Variants in NAALADL2 observed in about 807,000 individuals in gnomAD.
NAALADL2 encodes inactive N-acetylated-alpha-linked acidic dipeptidase-like protein 2.
In NAALADL2, 76 loss-of-function variants were observed where a neutral mutation model predicts 87.2. That is an observed-to-expected ratio of 0.87 (90% confidence interval 0.72 to 1.05). NAALADL2 has a LOEUF of 1.05. NAALADL2 is among the 50% of genes least tolerant of loss of function. The probability of loss-of-function intolerance (pLI) is 0.00; values close to 1 mark genes in which losing one functional copy is unlikely to be tolerated. For missense variants in NAALADL2, 1,089 were observed against 945.8 expected, an observed-to-expected ratio of 1.15 and a Z score of -1.99; for synonymous variants, 354 against 331.0, an observed-to-expected ratio of 1.07 and a Z score of -0.75.
intron 2 of NAALADL2, among the ~76,000 whole-genome samples, chr3:175,117,041 G>A (rs1016825302): frequency 4.6e-5 from 7 of 152,006 alleles, no homozygotes; most frequent in Non-Finnish European, 1.0e-4. Flanking sequence ...AATGGTGCTG[G>A]GAAAATTGGC....
At position 175,787,121 on chromosome 3, in the gene NAALADL2, G is replaced by C. The variant is rs867136719; in HGVS notation, c.2190-15884G>C. On this transcript the variant is annotated intron_variant, in intron 13 of 13. Coordinates refer to ENST00000454872, the MANE Select transcript of NAALADL2 (RefSeq NM_207015.3). ...GAACCACTGCTCTCTTCAAAGCTGTGAGACAGGGACATTTAAGTCTGCAGA... is the reference window on the plus strand; with the variant it reads ...GAACCACTGCTCTCTTCAAAGCTGTCAGACAGGGACATTTAAGTCTGCAGA... 2.0e-3 allele frequency among the ~76,000 whole-genome samples: 311 copies of C among 152,082 alleles called. 1 individual carries two copies. Among genetic ancestry groups the C allele is most frequent in the African/African-American group, 6.3e-3 (263 of 41,454 alleles).
chr3:175,259,728 G>T (rs1750685627), intron 4 of NAALADL2, among the ~76,000 whole-genome samples: 1 of 152,110 alleles, frequency 6.6e-6, no homozygotes, highest in Admixed American at 6.5e-5. Flanking sequence ...GAAAATTCAG[G>T]TTAAAATACA....
At chr3:174,809,511 C>T (rs1328976156) in intron 3 of NAALADL2, among the ~76,000 whole-genome samples, 1 of 152,030 alleles carries the variant, frequency 6.6e-6, no homozygotes, top group African/African-American at 2.4e-5. Flanking sequence ...CTATAGTGAC[C>T]AAATGCTTAT....
intron 3 of NAALADL2, among the ~76,000 whole-genome samples, chr3:174,804,880 T>C (rs754447506): frequency 6.6e-6 from 1 of 152,208 alleles, no homozygotes; most frequent in Non-Finnish European, 1.5e-5. Context: ...CAAGATGTTA[T>C]ACTCATCTAA....
chr3:174,540,358 T>C (rs1268823464), intron 1 of NAALADL2, among the ~76,000 whole-genome samples: 1 of 152,182 alleles, frequency 6.6e-6, no homozygotes, highest in Non-Finnish European at 1.5e-5. Flanking sequence ...TTATTCTCTC[T>C]GTTGGTTTCC....
intron 4 of NAALADL2, among the ~76,000 whole-genome samples, chr3:175,268,941 AAT>A (rs927137615): frequency 7.9e-6 from 1 of 126,696 alleles, no homozygotes; most frequent in East Asian, 2.8e-4. Context: ...TTAACTATTT[AAT>A]TTTTTTTTTT....
chr3:175,253,939 G>A (rs944105912), intron 3 of NAALADL2, among the ~76,000 whole-genome samples: 16 of 152,140 alleles, frequency 1.1e-4, no homozygotes, highest in South Asian at 6.2e-4. Context: ...GATGAATAAC[G>A]AAAGTGGTTT....
intron 1 of NAALADL2, among the ~76,000 whole-genome samples, chr3:174,525,784 A>G (rs1720693201): frequency 6.6e-6 from 1 of 152,278 alleles, no homozygotes; most frequent in African/African-American, 2.4e-5. Context: ...TATCATAGCA[A>G]TGCTTTCATT....
chr3:174,882,507 A>G (rs1236634154), intron 1 of NAALADL2, among the ~76,000 whole-genome samples: 1 of 144,874 alleles, frequency 6.9e-6, no homozygotes, highest in Non-Finnish European at 1.5e-5. Context: ...ATATATGTGT[A>G]TATACATATG....
intron 5 of NAALADL2, among the ~76,000 whole-genome samples, chr3:175,348,944 A>C (rs1262717832): frequency 6.6e-6 from 1 of 152,190 alleles, no homozygotes; most frequent in Non-Finnish European, 1.5e-5. Flanking sequence ...AAAAGAAGAA[A>C]ATAAAGCATC....
intron 5 of NAALADL2, among the ~76,000 whole-genome samples, chr3:175,333,369 A>C (rs1280128214): frequency 6.6e-6 from 1 of 152,180 alleles, no homozygotes; most frequent in East Asian, 1.9e-4. Context: ...AGCTGTAGGT[A>C]GGTGGCTAGG....
At chr3:175,168,784 A>G (rs1471842395) in intron 2 of NAALADL2, among the ~76,000 whole-genome samples, 1 of 151,846 alleles carries the variant, frequency 6.6e-6, no homozygotes, top group Non-Finnish European at 1.5e-5. Flanking sequence ...CAACATGAAC[A>G]TACATTATGG....
intron 1 of NAALADL2, among the ~76,000 whole-genome samples, chr3:174,880,534 G>C (rs1009113178): frequency 6.6e-6 from 1 of 151,956 alleles, no homozygotes. Context: ...CTAGTCTTCT[G>C]ATGGGTTACC....
At chr3:175,741,268 T>C (rs1745200341) in intron 12 of NAALADL2, among the ~76,000 whole-genome samples, 1 of 152,188 alleles carries the variant, frequency 6.6e-6, no homozygotes, top group Non-Finnish European at 1.5e-5. Flanking sequence ...AAGATGGCCA[T>C]CTTTTTGCTA....
At chr3:174,823,104 C>A (rs900786935) in intron 3 of NAALADL2, among the ~76,000 whole-genome samples, 6 of 152,114 alleles carry the variant, frequency 3.9e-5, no homozygotes, top group Non-Finnish European at 7.4e-5. Flanking sequence ...TTTGTAGATA[C>A]GTGCTTTTGG....
At chr3:175,792,049 GAGATGA>G (rs1282219569) in intron 13 of NAALADL2, among the ~76,000 whole-genome samples, 2 of 152,000 alleles carry the variant, frequency 1.3e-5, no homozygotes, top group Non-Finnish European at 2.9e-5. Context: ...ACTTTGAAAT[GAGATGA>G]TTTTACTTTT....
rs1251122338 is a variant in NAALADL2 at position 175,407,476 on chromosome 3, T to C, written c.1091-39753T>C. ...ATATGTTTTATATATACTTCTACAT[T>C]ACAAACCTCAATGTGTATTACCTTC... On this transcript the variant is annotated intron_variant, in intron 5 of 13. Coordinates refer to ENST00000454872, the MANE Select transcript of NAALADL2 (RefSeq NM_207015.3). Among the ~76,000 whole-genome samples, 3 of 152,208 alleles carry C rather than the reference T, an allele frequency of 2.0e-5. No homozygotes were observed. In the East Asian group the frequency reaches 5.8e-4, roughly 29 times the overall value.
intron 1 of NAALADL2, among the ~76,000 whole-genome samples, chr3:174,524,629 T>G (rs1051429800): frequency 1.5e-4 from 23 of 152,024 alleles, no homozygotes; most frequent in African/African-American, 5.5e-4. Context: ...ACTGCAGCCT[T>G]GACCTCCTGG....
At chr3:175,587,337 C>CTCATA (rs1414174241) in intron 10 of NAALADL2, among the ~76,000 whole-genome samples, 1 of 152,092 alleles carries the variant, frequency 6.6e-6, no homozygotes, top group Non-Finnish European at 1.5e-5. Context: ...GTAGTTCAAA[C>CTCATA]TCATAATGTT....
Sources: gnomAD v4.1 joint callset for allele counts (sites outside exome capture counted in the v4.1 genomes callset) on GRCh38, gnomAD v4.1.1 for gene constraint, MANE v1.5 for transcripts, NCBI Gene and HGNC (gene_info 2026-07-23, HGNC 2026-07-21) for gene names.